POLE2: variants seen among roughly 807,000 people sequenced by gnomAD.
POLE2 encodes the protein DNA polymerase epsilon 2, accessory subunit, also known as DNA polymerase epsilon subunit 2.
Under a neutral mutation model 79.4 loss-of-function variants are expected in POLE2, and 56 were observed. That is an observed-to-expected ratio of 0.71 (90% CI 0.57 to 0.88). The LOEUF is 0.88. Ranked by LOEUF, POLE2 falls within the 40% of genes least tolerant of loss-of-function variation. The pLI, the probability that POLE2 is intolerant of heterozygous loss-of-function variation, is 0.00. For missense variants in POLE2, 598 were observed against 638.9 expected (o/e 0.94, Z 0.69); for synonymous variants, 212 against 214.0 (o/e 0.99, Z 0.08).
At chr14:49,647,426 C>T in intron 17 of POLE2, 66 bp from the exon 18 acceptor site, 3 of 615,952 alleles carry the variant, frequency 4.9e-6, no homozygotes, top group South Asian at 6.2e-5. Flanking sequence ...TTTTTTTAAA[C>T]ACAATATGTA....
At chr14:49,669,793 G>T (rs1043048274) in intron 5 of POLE2, among the ~76,000 whole-genome samples, 195 bp from the exon 6 acceptor site, 3 of 152,086 alleles carry the variant, frequency 2.0e-5, no homozygotes, top group Non-Finnish European at 1.5e-5. Context: ...CAAAAAAAAT[G>T]TAAAAATTTT....
At chr14:49,686,852 T>C (rs981336284) in intron 1 of POLE2, among the ~76,000 whole-genome samples, 2 of 152,040 alleles carry the variant, frequency 1.3e-5, no homozygotes, top group Admixed American at 1.3e-4. Flanking sequence ...CATTATTTTC[T>C]CCCAAGGCAT....
At chr14:49,660,197 C>T (rs1194985778) in intron 10 of POLE2, among the ~76,000 whole-genome samples, 4 of 152,210 alleles carry the variant, frequency 2.6e-5, no homozygotes, top group African/African-American at 9.6e-5. Context: ...AGCAACGTGT[C>T]ACACAGGTTT....
rs559456824 is a variant in POLE2 at position 49,666,637 on chromosome 14, C to T, written c.493-224G>A. On this transcript the variant is annotated intron_variant, in intron 6 of 18. Coordinates refer to ENST00000216367, the MANE Select transcript of POLE2 (RefSeq NM_002692.4). ...CAAGTGTATGATGCCTAAAGAAACA[C>T]CACATCGACTCAGGCTCTTACCAAT... Among the ~76,000 whole-genome samples, 16 of 152,260 alleles carry T rather than the reference C, an allele frequency of 1.1e-4. No individual in the cohort carries two copies. In the South Asian group the frequency reaches 3.1e-3, roughly 30 times the overall value.
intron 5 of POLE2, 133 bp from the exon 6 acceptor site, chr14:49,669,731 C>A: frequency 1.0e-5 from 6 of 582,024 alleles, no homozygotes; most frequent in Non-Finnish European, 1.5e-5. Context: ...ATTTGAAAAC[C>A]CACATAATTT....
Position 49,668,042 on chromosome 14 carries a change from C to T in POLE2, c.492+1482G>A, listed in dbSNP as rs1024519420. ...ATCCCAGCACTTTGGGAGGCTGAGG[C>T]GGGCGGATCACTTGAGGTCAGGAGT... On this transcript the variant is annotated intron_variant, in intron 6 of 18. Transcript: ENST00000216367. Among the ~76,000 whole-genome samples, 9 of 152,204 alleles carry T rather than the reference C, an allele frequency of 5.9e-5. No homozygotes were observed. In the East Asian group the frequency reaches 7.7e-4, roughly 13 times the overall value.
At chr14:49,670,257 A>T (rs1322319648) in intron 5 of POLE2, among the ~76,000 whole-genome samples, 1 of 139,226 alleles carries the variant, frequency 7.2e-6, no homozygotes, top group Non-Finnish European at 1.5e-5. Context: ...CAGAGGTTGC[A>T]GTGAGCTGAG....
At chr14:49,660,485 C>G (rs1445845194) in intron 10 of POLE2, among the ~76,000 whole-genome samples, 2 of 151,206 alleles carry the variant, frequency 1.3e-5, no homozygotes, top group Non-Finnish European at 2.9e-5. Flanking sequence ...CAATCATGAA[C>G]TACATTATTA....
chr14:49,677,292 T>C (rs1181286470), intron 3 of POLE2: 3 of 569,268 alleles, frequency 5.3e-6, no homozygotes, highest in Non-Finnish European at 9.7e-6. Flanking sequence ...TTAAGAGAGA[T>C]ATACTGTGGA....
chr14:49,665,933 T>C (rs1022995754), intron 7 of POLE2, among the ~76,000 whole-genome samples: 2 of 152,176 alleles, frequency 1.3e-5, no homozygotes, highest in African/African-American at 4.8e-5. Context: ...TTCAAGGAAT[T>C]CTTCTGCCTC....
chr14:49,688,174 C>T lies in POLE2; in HGVS notation c.30G>A (p.Ala10=), dbSNP rs562679613. 2 of 1,545,008 alleles carry T rather than the reference C, an allele frequency of 1.3e-6. No individual in the cohort carries two copies. The highest frequency in any genetic ancestry group is 1.7e-6 in the Non-Finnish European group (2 of 1,147,510). Residue 10 remains alanine, a synonymous_variant, in exon 1 of 19, where the codon GCG becomes GCA. Transcript: ENST00000216367. ...AGCCCCGCAACTTGAAGGCGGAGAG[C>T]GCCCGGCTCCGCAGCCGCTCCGGCG... MAPERLRSR[A]LSAFKLRGLL...
chr14:49,667,150 A>G (rs754591750), intron 6 of POLE2, among the ~76,000 whole-genome samples: 2 of 151,952 alleles, frequency 1.3e-5, no homozygotes, highest in Non-Finnish European at 2.9e-5. Flanking sequence ...ATCGCCTTGC[A>G]TTCCAGCCTG....
intron 10 of POLE2, among the ~76,000 whole-genome samples, chr14:49,658,533 A>G (rs1220845574): frequency 6.6e-6 from 1 of 152,250 alleles, no homozygotes; most frequent in Non-Finnish European, 1.5e-5. Context: ...AGGAGGTACA[A>G]AAACATTTTA....
intron 16 of POLE2, 97 bp from the exon 17 acceptor site, chr14:49,650,538 G>T (rs892842183): frequency 2.5e-6 from 2 of 785,728 alleles, no homozygotes; most frequent in Non-Finnish European, 3.6e-6. Flanking sequence ...TTACCAAAAG[G>T]AACCAGAAAA....
At chr14:49,667,961 G>A (rs1429378050) in intron 6 of POLE2, among the ~76,000 whole-genome samples, 1 of 152,028 alleles carries the variant, frequency 6.6e-6, no homozygotes, top group Non-Finnish European at 1.5e-5. Flanking sequence ...ATTTAATACT[G>A]GAGTTACTCT....
chr14:49,655,139 A>G, intron 11 of POLE2, 45 bp from the exon 12 acceptor site: 1 of 896,786 alleles, frequency 1.1e-6, no homozygotes, highest in Non-Finnish European at 1.6e-6. Flanking sequence ...CTAGTCTACA[A>G]ATCAAGTTAA....
chr14:49,665,789 A>C (rs1885442277), intron 7 of POLE2, among the ~76,000 whole-genome samples: 1 of 151,936 alleles, frequency 6.6e-6, no homozygotes, highest in African/African-American at 2.4e-5. Flanking sequence ...ATGGAGAGAG[A>C]AAATGGGTTT....
Position 49,654,226 on chromosome 14 carries a change from T to C in POLE2, c.1074-12A>G. 6.4e-7 allele frequency: 1 copy of C among 1,569,288 alleles called. No homozygotes were observed. The highest frequency in any genetic ancestry group is 8.7e-7 in the Non-Finnish European group (1 of 1,143,612). On this transcript the variant is annotated splice_polypyrimidine_tract_variant and intron_variant, in intron 13 of 18. Transcript: ENST00000216367. ...ACACAAAACGACTACTGTAGCAAAA[T>C]TCAACACAATTCATTTAAAAATATT...
chr14:49,671,536 G>C (rs558944093), intron 5 of POLE2, among the ~76,000 whole-genome samples: 92 of 148,708 alleles, frequency 6.2e-4, no homozygotes, highest in African/African-American at 2.2e-3. Flanking sequence ...AGAATCGCTT[G>C]AACCCAGGAG....
Sources: allele counts gnomAD v4.1 joint callset (sites outside exome capture counted in the v4.1 genomes callset), GRCh38; gene constraint gnomAD v4.1.1; transcripts MANE v1.5; gene names NCBI Gene and HGNC (gene_info 2026-07-23, HGNC 2026-07-21).